The following FANCI variants were observed in gnomAD, a reference collection of about 807,000 sequenced individuals.
The protein encoded by FANCI is FA complementation group I, also known as Fanconi anemia group I protein.
A neutral mutation model predicts 176.1 loss-of-function variants in FANCI; 156 were observed. The observed-to-expected ratio is 0.89, with a 90% CI of 0.78 to 1.01. The LOEUF is 1.01. Ranked by LOEUF, FANCI falls within the 50% of genes least tolerant of loss-of-function variation. The pLI is 0.00. For missense variants in FANCI, 1,678 were observed against 1,534.1 expected, an observed-to-expected ratio of 1.09 and a Z score of -1.57; for synonymous variants, 613 against 541.7, an observed-to-expected ratio of 1.13 and a Z score of -1.83.
At chr15:89,291,972 T>C (rs999122143) in intron 20 of FANCI, among the ~76,000 whole-genome samples, 1 of 152,246 alleles carries the variant, frequency 6.6e-6, no homozygotes, top group African/African-American at 2.4e-5. Context: ...TATGAATCTT[T>C]GATTACATTC....
chr15:89,308,941 G>A (rs867456043), intron 34 of FANCI, among the ~76,000 whole-genome samples: 6 of 129,220 alleles, frequency 4.6e-5, no homozygotes, highest in South Asian at 2.5e-4. Context: ...GCGAAACTCC[G>A]TCTCAAAAAA....
chr15:89,263,469 C>T lies in FANCI; in HGVS notation c.545+9C>T. 1 of 1,609,750 alleles carries T rather than the reference C, an allele frequency of 6.2e-7. No homozygotes were observed. Among genetic ancestry groups the T allele is most frequent in the Non-Finnish European group, 8.5e-7 (1 of 1,176,192 alleles). On this transcript the variant is annotated intron_variant, in intron 7 of 37. Transcript: ENST00000310775. ...CTCACCTCCATGTTCAAGTAAGCAT[C>T]ATCTTTTCCCTTTTCTTTGTGTATC...
chr15:89,286,542 T>C (rs938956557), intron 18 of FANCI, among the ~76,000 whole-genome samples: 1 of 152,212 alleles, frequency 6.6e-6, no homozygotes, highest in African/African-American at 2.4e-5. Context: ...AGCAGTAATA[T>C]TTTGAGAAGA....
Position 89,316,381 on chromosome 15 carries a change from T to A in FANCI, c.3925-16T>A, listed in dbSNP as rs774314897. On this transcript the variant is annotated splice_polypyrimidine_tract_variant and intron_variant, in intron 37 of 37. Coordinates refer to ENST00000310775, the MANE Select transcript of FANCI (RefSeq NM_001113378.2). ...CAGGTTTATCACGTTAGAGCATTAA[T>A]TCTTTCCCCTTCTAGGGCACTGCAT... 6.2e-7 allele frequency: 1 copy of A among 1,608,738 alleles called. No individual in the cohort carries two copies. The highest frequency in any genetic ancestry group is 1.1e-5 in the South Asian group (1 of 90,126).
chr15:89,253,531 A>AT (rs1226848931), intron 2 of FANCI, among the ~76,000 whole-genome samples: 4 of 131,508 alleles, frequency 3.0e-5, no homozygotes, highest in African/African-American at 1.7e-4. Flanking sequence ...AAATAAATAA[A>AT]TAAATAAATA....
At chr15:89,293,480 A>G (rs1030812287) in intron 22 of FANCI, among the ~76,000 whole-genome samples, 8 of 152,188 alleles carry the variant, frequency 5.3e-5, no homozygotes, top group Admixed American at 5.2e-4. Context: ...TGAGGTCAGG[A>G]GTTCAAGACC....
At chr15:89,283,086 A>T (rs896884487) in intron 16 of FANCI, 50 bp from the exon 17 acceptor site, 1 of 1,589,346 alleles carries the variant, frequency 6.3e-7, no homozygotes, top group African/African-American at 1.3e-5. Context: ...ACCCAGAAGC[A>T]TATTCCTGTG....
At chr15:89,291,290 A>C (rs1168481747) in intron 19 of FANCI, among the ~76,000 whole-genome samples, 1 of 152,228 alleles carries the variant, frequency 6.6e-6, no homozygotes, top group Non-Finnish European at 1.5e-5. Flanking sequence ...AAGTAGTGGT[A>C]CTGGGATCTT....
intron 13 of FANCI, among the ~76,000 whole-genome samples, chr15:89,278,434 A>C (rs1361286969): frequency 6.6e-6 from 1 of 152,194 alleles, no homozygotes; most frequent in Non-Finnish European, 1.5e-5. Flanking sequence ...GCTGAACCTT[A>C]TATGTAGCAA....
intron 7 of FANCI, 27 bp from the exon 8 acceptor site, chr15:89,263,876 A>G (rs764257531): frequency 1.9e-6 from 3 of 1,613,956 alleles, no homozygotes; most frequent in East Asian, 2.2e-5. Context: ...GACACTGTCT[A>G]TAGCCTTTAG....
At chr15:89,295,732 G>GACCCCCCC (rs2054236252) in intron 24 of FANCI, among the ~76,000 whole-genome samples, 1 of 114,460 alleles carries the variant, frequency 8.7e-6, no homozygotes, top group Non-Finnish European at 1.9e-5. Context: ...TTCCCCTGGC[G>GACCCCCCC]CCCCCCCCAC....
Position 89,273,430 on chromosome 15 carries a change from T to G in FANCI, c.936T>G (p.Leu312=). The G allele has an allele frequency of 6.2e-7, 1 of 1,610,222 alleles. No homozygotes were observed. Reference sequence around the variant, plus strand: ...ACTTAAGTCCCTTCAGCATTGCTCTTCTTCTGTCTGTAACAAGAATACAAA... The same window carrying G: ...ACTTAAGTCCCTTCAGCATTGCTCTGCTTCTGTCTGTAACAAGAATACAAA... ...NNNLSPFSIA[L]LLSVTRIQRF... The change falls in exon 11 of 38, where the codon CTT becomes CTG. Residue 312 remains leucine, a synonymous_variant. Coordinates refer to ENST00000310775, the MANE Select transcript of FANCI (RefSeq NM_001113378.2).
At chr15:89,251,526 G>A (rs1026674990) in intron 2 of FANCI, among the ~76,000 whole-genome samples, 37 of 151,954 alleles carry the variant, frequency 2.4e-4, no homozygotes, top group African/African-American at 8.0e-4. Context: ...TCTTTATCAG[G>A]TATAACCTTA....
chr15:89,307,805 C>G, intron 34 of FANCI, 133 bp downstream of exon 34: 1 of 1,556,226 alleles, frequency 6.4e-7, no homozygotes, highest in South Asian at 1.2e-5. Context: ...AGGCACCCAT[C>G]AGAGACCAAG....
intron 34 of FANCI, among the ~76,000 whole-genome samples, chr15:89,309,380 A>G (rs1255807212): frequency 1.3e-5 from 2 of 152,136 alleles, no homozygotes; most frequent in African/African-American, 4.8e-5. Context: ...CAGTCCTCAA[A>G]AAAAAAAGGA....
At chr15:89,301,051 C>G (rs2054507490) in intron 26 of FANCI, among the ~76,000 whole-genome samples, 1 of 152,206 alleles carries the variant, frequency 6.6e-6, no homozygotes, top group African/African-American at 2.4e-5. Context: ...TGTGAGCCAC[C>G]AGAAATTGGG....
Position 89,305,137 on chromosome 15 carries a change from C to G in FANCI, c.3081C>G (p.Ser1027Arg), listed in dbSNP as rs1201487576. Residue 1027 changes from serine to arginine, a missense_variant, in exon 29 of 38, where the codon AGC (serine) becomes AGG (arginine). Physicochemically the swap from Ser to Arg is moderately radical, Grantham distance 110 (BLOSUM62 -1). Coordinates refer to ENST00000310775, the MANE Select transcript of FANCI (RefSeq NM_001113378.2). ...NSREDALFCK[S>R]LMNLLFSLHV... ...TAGAGGATGCCTTGTTTTGCAAGAG[C>G]TTGATGAACTTGCTCTTCAGCCTGC... 1 of 1,614,092 alleles carries G rather than the reference C, an allele frequency of 6.2e-7. No homozygotes were observed. Among genetic ancestry groups the G allele is most frequent in the East Asian group, 2.2e-5 (1 of 44,904 alleles).
rs775878573 is a variant in FANCI at position 89,263,871 on chromosome 15, T to C, written c.546-32T>C. On this transcript the variant is annotated intron_variant, in intron 7 of 37. Transcript: ENST00000310775. ...TTCTGAAAACAAGGCAGTTAGACAC[T>C]GTCTATAGCCTTTAGAATCTTTGAT... 5.6e-6 allele frequency: 9 copies of C among 1,613,674 alleles called. No individual in the cohort carries two copies. The African/African-American group carries it at 1.1e-4, about 19-fold the overall frequency.
intron 19 of FANCI, 148 bp from the exon 20 acceptor site, chr15:89,291,465 A>C (rs2054066592): frequency 3.0e-6 from 2 of 675,600 alleles, no homozygotes; most frequent in African/African-American, 3.6e-5. Flanking sequence ...TGAGCCAAAG[A>C]AATAAAAACT....
Sources: allele counts gnomAD v4.1 joint callset (sites outside exome capture counted in the v4.1 genomes callset), GRCh38; gene constraint gnomAD v4.1.1; transcripts MANE v1.5; gene names NCBI Gene and HGNC (gene_info 2026-07-23, HGNC 2026-07-21).